Variants in ZBTB7A observed in about 807,000 individuals in gnomAD.
ZBTB7A encodes zinc finger and BTB domain containing 7A, also known as zinc finger and BTB domain-containing protein 7A.
Under a neutral mutation model 26.7 loss-of-function variants are expected in ZBTB7A, and 7 were observed. That is an observed-to-expected ratio of 0.26 (90% CI 0.15 to 0.49). The LOEUF (loss-of-function observed/expected upper bound fraction) is 0.49. Among genes scored for constraint, ZBTB7A ranks in the 20% least tolerant of loss-of-function variants. The pLI is 0.98. For synonymous variants in ZBTB7A, 452 were observed against 441.0 expected (o/e 1.02, Z -0.31); for missense variants, 617 against 919.5 (o/e 0.67, Z 4.25).
At chr19:4,058,459 C>T (rs1404360418) in intron 1 of ZBTB7A, among the ~76,000 whole-genome samples, 2 of 152,206 alleles carry the variant, frequency 1.3e-5, no homozygotes, top group Non-Finnish European at 2.9e-5. Flanking sequence ...CCGCCTTCCC[C>T]TCGGCTGTGA....
Position 4,054,296 on chromosome 19 carries a change from C to G in ZBTB7A, c.937G>C (p.Gly313Arg), listed in dbSNP as rs1263078754. 1.3e-6 allele frequency: 2 copies of G among 1,538,916 alleles called. No individual in the cohort carries two copies. Among genetic ancestry groups the G allele is most frequent in the Non-Finnish European group, 8.7e-7 (1 of 1,148,558 alleles). The change falls in exon 2 of 3, where the codon GGG (glycine) becomes CGG (arginine). Residue 313 changes from glycine (G) to arginine (R), a missense_variant. Coordinates refer to ENST00000322357, the MANE Select transcript of ZBTB7A (RefSeq NM_015898.4). Reference protein sequence around the residue: ...GEDGDGPDVDGLAASTLLQQM... With the variant: ...GEDGDGPDVDRLAASTLLQQM... ...TGCAGCAGCGTGCTGGCCGCCAGCCCGTCCACGTCGGGCCCGTCCCCGTCC... is the reference window on the plus strand; with the variant it reads ...TGCAGCAGCGTGCTGGCCGCCAGCCGGTCCACGTCGGGCCCGTCCCCGTCC...
In ZBTB7A at chr19:4,043,367, T is replaced by G. The variant is rs2040369158; in HGVS notation, c.*4385A>C. ...TTATGTACAAGAAAAATGAATTTTTTTGTTTTTTCATCTTTTGTGTTTTTG... is the reference window on the plus strand; with the variant it reads ...TTATGTACAAGAAAAATGAATTTTTGTGTTTTTTCATCTTTTGTGTTTTTG... On this transcript the variant is annotated 3_prime_UTR_variant, in exon 3 of 3. Coordinates refer to ENST00000322357, the MANE Select transcript of ZBTB7A (RefSeq NM_015898.4). Among the ~76,000 whole-genome samples, 2 of 151,860 alleles carry G rather than the reference T, an allele frequency of 1.3e-5. No homozygotes were observed.
rs1435013869 is a variant in ZBTB7A at position 4,048,879 on chromosome 19, G to A, written c.1263-635C>T. On this transcript the variant is annotated intron_variant, in intron 2 of 2. Coordinates refer to ENST00000322357, the MANE Select transcript of ZBTB7A (RefSeq NM_015898.4). This position sits in a 1 kb window ranked among gnomAD's most constrained non-coding sequence, Gnocchi z 6.7. Reference sequence around the variant, plus strand: ...AAACAAATCTGCCAGGCGTGGTGGCGCAGGCCTATAATCCCAGCTACTTGG... The same window carrying A: ...AAACAAATCTGCCAGGCGTGGTGGCACAGGCCTATAATCCCAGCTACTTGG... Among the ~76,000 whole-genome samples, 1 of 150,488 alleles carries A rather than the reference G, an allele frequency of 6.6e-6. No homozygotes were observed. The highest frequency in any genetic ancestry group is 2.0e-4 in the East Asian group (1 of 5,050).
chr19:4,047,928 G>C lies in ZBTB7A; in HGVS notation c.1579C>G (p.Pro527Ala). 2.0e-6 allele frequency: 3 copies of C among 1,504,792 alleles called. No individual in the cohort carries two copies. The highest frequency in any genetic ancestry group is 2.7e-6 in the Non-Finnish European group (3 of 1,125,502). The allele number at this position is 1,504,792 out of a possible 1,614,324, so 93.2% of individuals were successfully genotyped here. A position where few individuals can be genotyped will look rare whatever the true frequency, so the allele number is the denominator to read the frequency against. ...TCCTGGCCGTTGCGCCGGGCGTCGG[G>C]GGAGCTGGGCTGGGCGGGGGCGCCG... ...TPGAPAQPSS[P>A]DARRNGQEKH... The change falls in exon 3 of 3, where the codon CCC becomes GCC. Residue 527 changes from proline (P) to alanine (A), a missense_variant. This residue lies in a region of ZBTB7A where 136 missense variants were observed against 126.6 expected (regional missense o/e 1.07). Transcript: ENST00000322357.
At chr19:4,066,430 G>A (rs2040696736) in intron 1 of ZBTB7A, among the ~76,000 whole-genome samples, 1 of 150,560 alleles carries the variant, frequency 6.6e-6, no homozygotes, top group Admixed American at 6.6e-5. Context: ...CCGGGTTGGG[G>A]GGGGCTGGCG....
chr19:4,061,826 G>T (rs1465629916), intron 1 of ZBTB7A: 1 of 152,254 alleles, frequency 6.6e-6, no homozygotes, highest in African/African-American at 2.4e-5. Flanking sequence ...AGATGTCATG[G>T]GCCAGGAAGC....
At position 4,046,247 on chromosome 19, in the gene ZBTB7A, C is replaced by T. The variant is rs2040414863; in HGVS notation, c.*1505G>A. ...GACGTCTGGGGGTGAAGCACAAACA[C>T]CTCGGGGCGTCTCCCAGGTCCCCTG... is the stretch of plus-strand genomic sequence containing the variant. On this transcript the variant is annotated 3_prime_UTR_variant, in exon 3 of 3. Coordinates refer to ENST00000322357, the MANE Select transcript of ZBTB7A (RefSeq NM_015898.4). 3 of 395,188 alleles carry T rather than the reference C, an allele frequency of 7.6e-6. No homozygotes were observed. Among genetic ancestry groups the T allele is most frequent in the East Asian group, 7.2e-5 (2 of 27,828 alleles). The allele number at this position is 395,188 out of a possible 1,614,324, so 24.5% of individuals were successfully genotyped here.
rs1441009817 is a variant in ZBTB7A, at chr19:4,043,814, C to T, written c.*3938G>A. Among the ~76,000 whole-genome samples the T allele has an allele frequency of 7.0e-6, 1 of 143,722 alleles. No individual in the cohort carries two copies. The highest frequency in any genetic ancestry group is 6.9e-5 in the Admixed American group (1 of 14,416). 94.3% of individuals were successfully genotyped at this position (143,722 alleles called of 152,430 possible). The stretch of plus-strand genomic sequence containing the variant: ...CCTGGGGCACCCCCAGCCTCCAGGC[C>T]CCTGACCCGTCCTGCGCCAGCCACC... On this transcript the variant is annotated 3_prime_UTR_variant, in exon 3 of 3. Transcript: ENST00000322357.
In ZBTB7A at chr19:4,044,090, C is replaced by T. The variant is rs1181498099; in HGVS notation, c.*3662G>A. Among the ~76,000 whole-genome samples, 1 of 152,064 alleles carries T rather than the reference C, an allele frequency of 6.6e-6. No individual in the cohort carries two copies. Among genetic ancestry groups the T allele is most frequent in the Non-Finnish European group, 1.5e-5 (1 of 67,994 alleles). The stretch of plus-strand genomic sequence containing the variant: ...AGTGTCACCACCTGTGAGGTGACCG[C>T]TCCTGCCACGGCCCCGGGGTCTGAA... On this transcript the variant is annotated 3_prime_UTR_variant, in exon 3 of 3. Transcript: ENST00000322357.
chr19:4,064,673 C>A (rs1430984471), intron 1 of ZBTB7A, among the ~76,000 whole-genome samples: 2 of 152,208 alleles, frequency 1.3e-5, no homozygotes, highest in Non-Finnish European at 1.5e-5. Flanking sequence ...CACGGAATCC[C>A]CACGCCCTCT....
rs1008428918 is a variant in ZBTB7A, at chr19:4,045,474, G to C, written c.*2278C>G. ...GATCCTGAGACATTTGGAGGGGGCT[G>C]ACAGGCTTAAGGGGGGGTGGGAAGG... On this transcript the variant is annotated 3_prime_UTR_variant, in exon 3 of 3. Coordinates refer to ENST00000322357, the MANE Select transcript of ZBTB7A (RefSeq NM_015898.4). The surrounding 1 kb of genome is among the most constrained non-coding windows in gnomAD (Gnocchi z 4.1). The C allele has an allele frequency of 7.4e-6, 1 of 135,524 alleles. No individual in the cohort carries two copies. The highest frequency in any genetic ancestry group is 1.6e-5 in the Non-Finnish European group (1 of 63,542). The allele number at this position is 135,524 out of a possible 1,614,324, so 8.4% of individuals were successfully genotyped here. A position where few individuals can be genotyped will look rare whatever the true frequency, so the allele number is the denominator to read the frequency against.
chr19:4,060,964 G>A (rs538085421), intron 1 of ZBTB7A, among the ~76,000 whole-genome samples: 1 of 152,220 alleles, frequency 6.6e-6, no homozygotes, highest in South Asian at 2.1e-4. Flanking sequence ...TTCAAGCCTC[G>A]GCTCCCCCAC....
intron 1 of ZBTB7A, chr19:4,062,258 G>C (rs1403497416): frequency 6.6e-6 from 1 of 152,256 alleles, no homozygotes; most frequent in Non-Finnish European, 1.5e-5. Context: ...GGGACAGATG[G>C]AGGGGCTGGT....
intron 1 of ZBTB7A, among the ~76,000 whole-genome samples, chr19:4,056,897 C>T (rs1018350164): frequency 6.6e-6 from 1 of 151,510 alleles, no homozygotes; most frequent in Non-Finnish European, 1.5e-5. Context: ...CGTGGTGGCG[C>T]GTGCCTGTAA....
chr19:4,053,472 G>A (rs571568050), intron 2 of ZBTB7A, among the ~76,000 whole-genome samples: 2 of 150,942 alleles, frequency 1.3e-5, no homozygotes, highest in African/African-American at 4.9e-5. Flanking sequence ...TGCATGTCTG[G>A]GGGTGCGTGT....
chr19:4,056,521 G>A (rs1221048923), intron 1 of ZBTB7A, among the ~76,000 whole-genome samples: 7 of 152,144 alleles, frequency 4.6e-5, no homozygotes, highest in Non-Finnish European at 1.5e-5. Flanking sequence ...GAGGTCAGGA[G>A]TTCAAGACCA....
chr19:4,048,270 C>T lies in ZBTB7A; in HGVS notation c.1263-26G>A, dbSNP rs1167234973. On this transcript the variant is annotated intron_variant, in intron 2 of 2. Transcript: ENST00000322357. The surrounding 1 kb of genome is among the most constrained non-coding windows in gnomAD (Gnocchi z 6.7). ...CTGTGGACGGGGCACGGGGCGGGCA[C>T]GGTCAGTGGGGCCGGGGACCCCCGA... is the stretch of plus-strand genomic sequence containing the variant. 3 of 1,549,414 alleles carry T rather than the reference C, an allele frequency of 1.9e-6. No individual in the cohort carries two copies. The highest frequency in any genetic ancestry group is 1.7e-6 in the Non-Finnish European group (2 of 1,156,726).
Position 4,046,006 on chromosome 19 carries a change from CGGGA to C in ZBTB7A, c.*1742_*1745del. The C allele has an allele frequency of 2.5e-6, 1 of 395,552 alleles. No individual in the cohort carries two copies. Among genetic ancestry groups the C allele is most frequent in the Non-Finnish European group, 4.5e-6 (1 of 224,690 alleles). The allele number at this position is 395,552 out of a possible 1,614,324, so 24.5% of individuals were successfully genotyped here. A position where few individuals can be genotyped will look rare whatever the true frequency, so the allele number is the denominator to read the frequency against. ...AAGGTCCAGCTCCTTGGTGGCCATG[CGGGA>C]GGGACAGGCGTGTTGGGGGATTGGG... On this transcript the variant is annotated 3_prime_UTR_variant, in exon 3 of 3. Transcript: ENST00000322357.
At position 4,043,701 on chromosome 19, in the gene ZBTB7A, CCTCCACCCCCTG is replaced by C. The variant is rs1568226434; in HGVS notation, c.*4039_*4050del. Among the ~76,000 whole-genome samples the C allele has an allele frequency of 4.0e-5, 4 of 99,566 alleles. No homozygotes were observed. Among genetic ancestry groups the C allele is most frequent in the Admixed American group, 9.9e-5 (1 of 10,118 alleles). The allele number at this position is 99,566 out of a possible 152,430, so 65.3% of individuals were successfully genotyped here. ...CGAGGGATGGGGGTCTCCCTGGCCCCCTCCACCCCCTGGGCCCGGCCCCCCCCCCCCCCCCCC... is the reference window on the plus strand; with the variant it reads ...CGAGGGATGGGGGTCTCCCTGGCCCCGGCCCGGCCCCCCCCCCCCCCCCCC... On this transcript the variant is annotated 3_prime_UTR_variant, in exon 3 of 3. Coordinates refer to ENST00000322357, the MANE Select transcript of ZBTB7A (RefSeq NM_015898.4).
Sources: allele counts gnomAD v4.1 joint callset (sites outside exome capture counted in the v4.1 genomes callset), GRCh38; gene constraint gnomAD v4.1.1; regional missense constraint gnomAD v4.1.1; non-coding constraint Gnocchi (gnomAD v3.1); transcripts MANE v1.5; gene names NCBI Gene and HGNC (gene_info 2026-07-23, HGNC 2026-07-21).